SLC4A10: variants seen among roughly 807,000 people sequenced by gnomAD.
SLC4A10 encodes solute carrier family 4 member 10, also known as sodium-driven chloride bicarbonate exchanger.
Under a neutral mutation model 137.7 loss-of-function variants are expected in SLC4A10, and 42 were observed. The observed-to-expected ratio is 0.30, with a 90% CI of 0.24 to 0.39. SLC4A10 has a LOEUF of 0.39. SLC4A10 is among the 10% of genes least tolerant of loss of function. SLC4A10 has a pLI of 1.00. For missense variants in SLC4A10, 925 were observed against 1,355.0 expected (o/e 0.68, Z 4.98); for synonymous variants, 474 against 464.1 (o/e 1.02, Z -0.27).
chr2:161,741,280 C>T (rs1179236825), intron 1 of SLC4A10, among the ~76,000 whole-genome samples: 1 of 148,900 alleles, frequency 6.7e-6, no homozygotes, highest in Non-Finnish European at 1.5e-5. Flanking sequence ...AAAAAAAGCA[C>T]CTATCCACTA....
At chr2:161,839,578 A>G (rs1458161576) in intron 3 of SLC4A10, among the ~76,000 whole-genome samples, 2 of 152,012 alleles carry the variant, frequency 1.3e-5, no homozygotes, top group Non-Finnish European at 2.9e-5. Context: ...TTACATATTT[A>G]TTTTCCCCAA....
rs181577709 is a variant in SLC4A10 at position 161,873,932 on chromosome 2, A to C, written c.875A>C (p.Gln292Pro). The C allele has an allele frequency of 3.8e-6, 6 of 1,594,284 alleles. No homozygotes were observed. In the South Asian group the frequency reaches 5.6e-5, roughly 15 times the overall value. Residue 292 changes from glutamine to proline, a missense_variant, in exon 8 of 27, where the codon CAA (glutamine) becomes CCA (proline). Coordinates refer to ENST00000446997, the MANE Select transcript of SLC4A10 (RefSeq NM_001178015.2). ...TGCGTGCAGGGACTGGGAGGCCAAC[A>C]AAAGGGGCATACTAGTCCATGTGGG... ...VDFSKGLGGQ[Q>P]KGHTSPCGMK...
At chr2:161,932,501 T>A (rs577792442) in intron 15 of SLC4A10, among the ~76,000 whole-genome samples, 1 of 152,340 alleles carries the variant, frequency 6.6e-6, no homozygotes, top group South Asian at 2.1e-4. Flanking sequence ...AGCTTTACTA[T>A]CCTTAATCCT....
At chr2:161,963,699 CA>C (rs1244440348) in intron 21 of SLC4A10, among the ~76,000 whole-genome samples, 2 of 152,078 alleles carry the variant, frequency 1.3e-5, no homozygotes, top group Non-Finnish European at 2.9e-5. Flanking sequence ...CTGTGAAAGT[CA>C]AAGCCATGGG....
At chr2:161,885,049 G>T (rs1462401181) in intron 10 of SLC4A10, among the ~76,000 whole-genome samples, 1 of 152,082 alleles carries the variant, frequency 6.6e-6, no homozygotes, top group Non-Finnish European at 1.5e-5. Flanking sequence ...GTGGTGGCAG[G>T]TGCCTGTGGT....
At chr2:161,825,583 T>A (rs1373320782) in intron 3 of SLC4A10, among the ~76,000 whole-genome samples, 3 of 152,150 alleles carry the variant, frequency 2.0e-5, no homozygotes, top group Non-Finnish European at 2.9e-5. Context: ...CCACACCCTC[T>A]CTCTCTCTTC....
At position 161,803,100 on chromosome 2, in the gene SLC4A10, C is replaced by T. The variant is rs376646004; in HGVS notation, c.131-1349C>T. Reference sequence around the variant, plus strand: ...GGTTTTTTCCCTGATACAACACTCTCCTATACATGATCTACTTGGTAACAC... The same window carrying T: ...GGTTTTTTCCCTGATACAACACTCTTCTATACATGATCTACTTGGTAACAC... On this transcript the variant is annotated intron_variant, in intron 2 of 26. Coordinates refer to ENST00000446997, the MANE Select transcript of SLC4A10 (RefSeq NM_001178015.2). Among the ~76,000 whole-genome samples, 66 of 152,244 alleles carry T rather than the reference C, an allele frequency of 4.3e-4. 1 individual carries two copies. The highest frequency in any genetic ancestry group is 1.6e-3 in the African/African-American group (65 of 41,560).
intron 20 of SLC4A10, among the ~76,000 whole-genome samples, chr2:161,957,677 A>C (rs114459135): frequency 0.019 from 2,920 of 152,310 alleles, 37 homozygotes; most frequent in Middle Eastern, 0.034. Context: ...TTATAGTCAC[A>C]TACGCAGTTT....
chr2:161,750,058 C>T (rs2048801433), intron 1 of SLC4A10, among the ~76,000 whole-genome samples: 2 of 151,748 alleles, frequency 1.3e-5, no homozygotes, highest in Non-Finnish European at 1.5e-5. Flanking sequence ...ATAATAGTCA[C>T]TTGTGATCCT....
intron 2 of SLC4A10, among the ~76,000 whole-genome samples, chr2:161,771,523 G>C (rs753639840): frequency 6.6e-6 from 1 of 151,748 alleles, no homozygotes; most frequent in Non-Finnish European, 1.5e-5. Context: ...AGTATGGCCC[G>C]GTGGTTAACT....
At chr2:161,888,787 C>G (rs1157098371) in intron 10 of SLC4A10, among the ~76,000 whole-genome samples, 6 of 152,034 alleles carry the variant, frequency 3.9e-5, no homozygotes, top group African/African-American at 1.4e-4. Flanking sequence ...TCCTTCTCTT[C>G]CCTGGTTGTC....
intron 1 of SLC4A10, among the ~76,000 whole-genome samples, chr2:161,714,325 T>C (rs980396535): frequency 4.6e-5 from 7 of 151,950 alleles, no homozygotes; most frequent in Non-Finnish European, 8.8e-5. Flanking sequence ...TGAATATCAT[T>C]GGGCTTCAAG....
intron 15 of SLC4A10, among the ~76,000 whole-genome samples, chr2:161,920,538 T>C (rs772171048): frequency 1.8e-4 from 27 of 152,248 alleles, no homozygotes; most frequent in Admixed American, 4.6e-4. Context: ...GGAAACCTTG[T>C]ACTTTTTATT....
chr2:161,798,389 T>C (rs2055009099), intron 2 of SLC4A10, among the ~76,000 whole-genome samples: 1 of 151,812 alleles, frequency 6.6e-6, no homozygotes, highest in Non-Finnish European at 1.5e-5. Flanking sequence ...ACCCCTTCCC[T>C]CCCAGCTAAA....
intron 1 of SLC4A10, among the ~76,000 whole-genome samples, chr2:161,628,773 T>G (rs571256388): frequency 1.4e-4 from 22 of 152,156 alleles, no homozygotes; most frequent in Admixed American, 1.4e-3. Context: ...ATAAAATATA[T>G]GTATAAAATG....
chr2:161,870,561 A>C (rs180803210), intron 6 of SLC4A10, among the ~76,000 whole-genome samples: 1 of 151,926 alleles, frequency 6.6e-6, no homozygotes, highest in East Asian at 1.9e-4. Flanking sequence ...TAATGTTCTA[A>C]CTCATTAAAA....
In SLC4A10 at chr2:161,624,518, C is replaced by T; in HGVS notation, c.-1C>T. On this transcript the variant is annotated 5_prime_UTR_variant, in exon 1 of 27. Coordinates refer to ENST00000446997, the MANE Select transcript of SLC4A10 (RefSeq NM_001178015.2). The stretch of plus-strand genomic sequence containing the variant: ...TGCTTATTCCAGAGGCGTTACAAAA[C>T]ATGGAGATTAAAGACCAGGGAGCCC... The T allele has an allele frequency of 1.3e-6, 2 of 1,553,738 alleles. No individual in the cohort carries two copies. Among genetic ancestry groups the T allele is most frequent in the Non-Finnish European group, 1.7e-6 (2 of 1,148,234 alleles).
chr2:161,965,107 A>G lies in SLC4A10; in HGVS notation c.3093A>G (p.Glu1031=). ...TGGACTTGTTGTTCACGAAGCGGGAACTCAGCTGGTTGGATGATTTGATGC... is the reference window on the plus strand; with the variant it reads ...TGGACTTGTTGTTCACGAAGCGGGAGCTCAGCTGGTTGGATGATTTGATGC... ...KLMDLLFTKR[E]LSWLDDLMPE... The change falls in exon 23 of 27, where the codon GAA becomes GAG. Residue 1031 remains glutamate (E), a synonymous_variant. Coordinates refer to ENST00000446997, the MANE Select transcript of SLC4A10 (RefSeq NM_001178015.2). 6.2e-7 allele frequency: 1 copy of G among 1,612,754 alleles called. No homozygotes were observed. Among genetic ancestry groups the G allele is most frequent in the Non-Finnish European group, 8.5e-7 (1 of 1,179,122 alleles).
At chr2:161,942,399 A>C (rs1692880880) in intron 15 of SLC4A10, among the ~76,000 whole-genome samples, 1 of 152,168 alleles carries the variant, frequency 6.6e-6, no homozygotes, top group African/African-American at 2.4e-5. Context: ...ACTAGCCTTA[A>C]TTTTGAATTA....
Sources: gnomAD v4.1 joint callset for allele counts (sites outside exome capture counted in the v4.1 genomes callset) on GRCh38, gnomAD v4.1.1 for gene constraint, MANE v1.5 for transcripts, NCBI Gene and HGNC (gene_info 2026-07-23, HGNC 2026-07-21) for gene names.